Variants in GSAP observed in about 807,000 individuals in gnomAD.
GSAP encodes gamma-secretase activating protein, also known as gamma-secretase-activating protein.
Under a neutral mutation model 131.7 loss-of-function variants are expected in GSAP, and 118 were observed. The observed-to-expected ratio is 0.90, with a 90% CI of 0.77 to 1.04. The LOEUF (loss-of-function observed/expected upper bound fraction) is 1.04. GSAP is among the 50% of genes least tolerant of loss of function. The pLI is 0.00. For synonymous variants in GSAP, 381 were observed against 363.4 expected (o/e 1.05, Z -0.55); for missense variants, 1,019 against 1,013.2 (o/e 1.01, Z -0.08).
intron 4 of GSAP, 104 bp from the exon 5 acceptor site, chr7:77,397,139 C>A: frequency 1.3e-6 from 1 of 777,130 alleles, no homozygotes; most frequent in Non-Finnish European, 2.1e-6. Flanking sequence ...AAGGATATGT[C>A]AACGGAAGAT....
chr7:77,371,638 T>C (rs1033387894), intron 12 of GSAP, among the ~76,000 whole-genome samples: 1 of 152,158 alleles, frequency 6.6e-6, no homozygotes, highest in African/African-American at 2.4e-5. Flanking sequence ...GGTTTCGCCA[T>C]GTTGGCCAGG....
chr7:77,359,216 C>T (rs939666594), intron 14 of GSAP, among the ~76,000 whole-genome samples: 1 of 151,516 alleles, frequency 6.6e-6, no homozygotes, highest in African/African-American at 2.4e-5. Context: ...AAAAAAGAAA[C>T]TATTAATAAT....
At chr7:77,328,196 A>G (rs1031856887) in intron 22 of GSAP, 31 of 998,320 alleles carry the variant, frequency 3.1e-5, no homozygotes, top group Non-Finnish European at 3.7e-5. Context: ...TGCCTCTAGG[A>G]CCTGTGTGCC....
In GSAP at chr7:77,362,646, A is replaced by G; in HGVS notation, c.886T>C (p.Cys296Arg). The change falls in exon 13 of 31, where the codon TGT becomes CGT. Residue 296 changes from cysteine to arginine, a missense_variant. Physicochemically the swap from Cys to Arg is radical, Grantham distance 180. Transcript: ENST00000257626. ...FTNHTGSLCV[C>R]YSPKCASWGQ... Reference sequence around the variant, plus strand: ...CAAGAGGCACACTTCGGGCTGTAACATACACACAAACTTCCTAGAAGAAAA... The same window carrying G: ...CAAGAGGCACACTTCGGGCTGTAACGTACACACAAACTTCCTAGAAGAAAA... 1 of 1,568,206 alleles carries G rather than the reference A, an allele frequency of 6.4e-7. No individual in the cohort carries two copies. Among genetic ancestry groups the G allele is most frequent in the Non-Finnish European group, 8.8e-7 (1 of 1,138,860 alleles).
chr7:77,311,916 A>G lies in GSAP; in HGVS notation c.2398T>C (p.Ser800Pro). 1 of 1,598,548 alleles carries G rather than the reference A, an allele frequency of 6.3e-7. No homozygotes were observed. The highest frequency in any genetic ancestry group is 8.6e-7 in the Non-Finnish European group (1 of 1,165,912). ...GGCAGAAATTCTACACTGAACGATG[A>G]CTTGTTAATCATAGAATTCCGAGGC... ...KQPRNSMINKSSFSVEFLPLN... is the reference protein window; with the variant it reads ...KQPRNSMINKPSFSVEFLPLN... Residue 800 changes from serine (S) to proline (P), a missense_variant, in exon 30 of 31, where the codon TCA becomes CCA. By Grantham distance (74) the Ser-to-Pro change is moderately conservative. Transcript: ENST00000257626.
At chr7:77,327,908 T>A (rs574320929) in intron 22 of GSAP, among the ~76,000 whole-genome samples, 2 of 152,184 alleles carry the variant, frequency 1.3e-5, no homozygotes, top group African/African-American at 4.8e-5. Flanking sequence ...AGAAGCCACA[T>A]GTTAACATTT....
intron 17 of GSAP, 28 bp from the exon 18 acceptor site, chr7:77,353,054 G>A (rs1563005724): frequency 8.2e-7 from 1 of 1,226,794 alleles, no homozygotes; most frequent in Non-Finnish European, 1.2e-6. Flanking sequence ...GAAACAGGGG[G>A]AAAAAAGATG....
intron 19 of GSAP, among the ~76,000 whole-genome samples, chr7:77,331,567 C>T (rs17806432): frequency 0.11 from 16,276 of 152,058 alleles, 956 homozygotes; most frequent in South Asian, 0.25. Flanking sequence ...AAGAAAAATG[C>T]CCTCATGTTA....
chr7:77,366,329 T>C (rs1795305618), intron 12 of GSAP, among the ~76,000 whole-genome samples: 1 of 152,230 alleles, frequency 6.6e-6, no homozygotes, highest in Admixed American at 6.5e-5. Flanking sequence ...ACTAGGATGG[T>C]ATTGCCTACG....
At chr7:77,340,567 C>T (rs1208355208) in intron 19 of GSAP, among the ~76,000 whole-genome samples, 1 of 152,216 alleles carries the variant, frequency 6.6e-6, no homozygotes, top group African/African-American at 2.4e-5. Context: ...CTTCAATCTC[C>T]CTGTCCTTCC....
chr7:77,393,672 T>TAC (rs1799922578), intron 5 of GSAP, among the ~76,000 whole-genome samples: 1 of 143,518 alleles, frequency 7.0e-6, no homozygotes, highest in South Asian at 2.2e-4. Flanking sequence ...CATATATACT[T>TAC]TCTTTTTTTT....
intron 10 of GSAP, among the ~76,000 whole-genome samples, chr7:77,375,577 G>A (rs1241166694): frequency 6.6e-6 from 1 of 152,206 alleles, no homozygotes; most frequent in East Asian, 1.9e-4. Context: ...CGGCATGGTG[G>A]CTCACGCCTA....
chr7:77,356,938 T>C (rs1339657745), intron 14 of GSAP, among the ~76,000 whole-genome samples: 2 of 152,206 alleles, frequency 1.3e-5, no homozygotes, highest in African/African-American at 4.8e-5. Context: ...TAAATGATGC[T>C]AAAGTGCTTA....
At chr7:77,402,900 T>G (rs1801622332) in intron 3 of GSAP, among the ~76,000 whole-genome samples, 2 of 152,138 alleles carry the variant, frequency 1.3e-5, no homozygotes, top group Admixed American at 1.3e-4. Flanking sequence ...ACTGGAAAAT[T>G]TTTGAAAAAC....
intron 26 of GSAP, among the ~76,000 whole-genome samples, chr7:77,318,539 T>G (rs1787182572): frequency 6.6e-6 from 1 of 152,194 alleles, no homozygotes; most frequent in South Asian, 2.1e-4. Context: ...CATTAGAACT[T>G]TATATGCAAT....
In GSAP at chr7:77,411,098, T is replaced by TAAA. The variant is rs57255266; in HGVS notation, c.110-4996_110-4994dup. Among the ~76,000 whole-genome samples the TAAA allele has an allele frequency of 6.8e-3, 735 of 108,802 alleles. 13 individuals carry two copies. The highest frequency in any genetic ancestry group is 0.017 in the African/African-American group (474 of 27,732). The allele number at this position is 108,802 out of a possible 152,430, so 71.4% of individuals were successfully genotyped here. A position where few individuals can be genotyped will look rare whatever the true frequency, so the allele number is the denominator to read the frequency against. ...AGGACAGATAGTGGCAAGAAAATAG[T>TAAA]AAAAAAAAAAAAAAAAAAAAAGTGA... On this transcript the variant is annotated intron_variant, in intron 1 of 30. Coordinates refer to ENST00000257626, the MANE Select transcript of GSAP (RefSeq NM_017439.4).
chr7:77,396,000 C>T (rs578244213), intron 5 of GSAP, among the ~76,000 whole-genome samples: 3 of 152,142 alleles, frequency 2.0e-5, no homozygotes, highest in Non-Finnish European at 2.9e-5. Flanking sequence ...GTCCCAAGTA[C>T]GATTTTTAAA....
chr7:77,313,184 C>T (rs1794597579), intron 28 of GSAP, among the ~76,000 whole-genome samples: 1 of 152,204 alleles, frequency 6.6e-6, no homozygotes. Flanking sequence ...GCACGTTTCC[C>T]CTTCTCCCTC....
At position 77,334,577 on chromosome 7, in the gene GSAP, AT is replaced by A. The variant is rs1281737499; in HGVS notation, c.1546-4211del. Reference sequence around the variant, plus strand: ...CTGCCCATGTATCCTGGAACTTAAAATTTAAAAAAAAAAAAAAAAAAAAAAA... The same window carrying A: ...CTGCCCATGTATCCTGGAACTTAAAATTAAAAAAAAAAAAAAAAAAAAAAA... On this transcript the variant is annotated intron_variant, in intron 19 of 30. Transcript: ENST00000257626. Among the ~76,000 whole-genome samples the A allele has an allele frequency of 7.8e-4, 96 of 122,616 alleles. 11 individuals carry two copies. The highest frequency in any genetic ancestry group is 1.2e-3 in the African/African-American group (38 of 30,920). 80.4% of individuals were successfully genotyped at this position (122,616 alleles called of 152,430 possible). A position where few individuals can be genotyped will look rare whatever the true frequency, so the allele number is the denominator to read the frequency against.
Sources: gnomAD v4.1 joint callset for allele counts (sites outside exome capture counted in the v4.1 genomes callset) on GRCh38, gnomAD v4.1.1 for gene constraint, MANE v1.5 for transcripts, NCBI Gene and HGNC (gene_info 2026-07-23, HGNC 2026-07-21) for gene names.